SORCS2: variants seen among roughly 807,000 people sequenced by gnomAD.
SORCS2 encodes the protein VPS10 domain-containing receptor SorCS2.
A neutral mutation model predicts 141.6 loss-of-function variants in SORCS2; 100 were observed. The ratio of observed to expected loss-of-function variants is 0.71; its 90% CI spans 0.60 to 0.83. SORCS2 has a LOEUF of 0.83. Ranked by LOEUF, SORCS2 falls within the 40% of genes least tolerant of loss-of-function variation. The probability of loss-of-function intolerance (pLI) is 0.00; values close to 1 mark genes in which losing one functional copy is unlikely to be tolerated. For missense variants in SORCS2, 1,646 were observed against 1,560.2 expected (o/e 1.05, Z -0.93); for synonymous variants, 789 against 676.9 (o/e 1.17, Z -2.57).
intron 2 of SORCS2, among the ~76,000 whole-genome samples, chr4:7,428,694 G>A (rs983018066): frequency 6.6e-6 from 1 of 152,200 alleles, no homozygotes; most frequent in Non-Finnish European, 1.5e-5. Context: ...GCCAGGCCGG[G>A]GTGGCTGGAG....
At chr4:7,635,723 C>G (rs1215317937) in intron 3 of SORCS2, among the ~76,000 whole-genome samples, 1 of 151,980 alleles carries the variant, frequency 6.6e-6, no homozygotes, top group Non-Finnish European at 1.5e-5. Context: ...TTGTTTTTTT[C>G]CTACGGATAA....
At chr4:7,302,790 C>CGTGTGTGT (rs1560176462) in intron 1 of SORCS2, among the ~76,000 whole-genome samples, 1 of 147,372 alleles carries the variant, frequency 6.8e-6, no homozygotes, top group South Asian at 2.1e-4. Flanking sequence ...TGTGTGTGTG[C>CGTGTGTGT]GCGCGCGTGT....
chr4:7,723,584 G>C (rs1726746766), intron 18 of SORCS2, 113 bp from the exon 19 acceptor site: 1 of 1,230,090 alleles, frequency 8.1e-7, no homozygotes, highest in African/African-American at 1.5e-5. Context: ...TCATGTCAAG[G>C]AAGGGAGGGC....
intron 26 of SORCS2, among the ~76,000 whole-genome samples, chr4:7,738,696 A>G (rs570728607): frequency 1.3e-5 from 2 of 152,288 alleles, no homozygotes; most frequent in East Asian, 3.9e-4. Context: ...GGACATCCTC[A>G]GAACGTGAGC....
At position 7,192,576 on chromosome 4, in the gene SORCS2, C is replaced by G. The variant is rs956662104; in HGVS notation, c.-71C>G. 126 of 985,194 alleles carry G rather than the reference C, an allele frequency of 1.3e-4. No individual in the cohort carries two copies. The African/African-American group carries it at 2.1e-3, about 16-fold the overall frequency. 61.0% of individuals were successfully genotyped at this position (985,194 alleles called of 1,614,324 possible). On this transcript the variant is annotated 5_prime_UTR_variant, in exon 1 of 27. Transcript: ENST00000507866. The surrounding 1 kb of genome is among the most constrained non-coding windows in gnomAD (Gnocchi z 4.0). ...TCTCGCTCGCGCTCCCCAGCGCCCTCCTGCTCTCCCGGCCGCGGTCCCCTC... is the reference window on the plus strand; with the variant it reads ...TCTCGCTCGCGCTCCCCAGCGCCCTGCTGCTCTCCCGGCCGCGGTCCCCTC...
intron 2 of SORCS2, among the ~76,000 whole-genome samples, chr4:7,410,515 G>T (rs976897113): frequency 6.6e-6 from 1 of 152,152 alleles, no homozygotes; most frequent in Non-Finnish European, 1.5e-5. Flanking sequence ...TAGACCTCAT[G>T]GGCTCTTATG....
At position 7,400,771 on chromosome 4, in the gene SORCS2, A is replaced by G. The variant is rs1490294889; in HGVS notation, c.548+4416A>G. Among the ~76,000 whole-genome samples, 3 of 151,362 alleles carry G rather than the reference A, an allele frequency of 2.0e-5. No homozygotes were observed. The East Asian group carries it at 5.9e-4, about 30-fold the overall frequency. ...GATTGATGGATTGATGGATGGATGT[A>G]TGGATGGATGGACAGATAGATGAAT... On this transcript the variant is annotated intron_variant, in intron 2 of 26. Transcript: ENST00000507866.
intron 3 of SORCS2, among the ~76,000 whole-genome samples, chr4:7,545,543 T>A (rs1358699056): frequency 6.6e-6 from 1 of 152,104 alleles, no homozygotes; most frequent in Non-Finnish European, 1.5e-5. Context: ...GTGGCCACCA[T>A]GTTAGAGACA....
chr4:7,453,380 G>GCT, intron 2 of SORCS2, among the ~76,000 whole-genome samples: 5 of 135,438 alleles, frequency 3.7e-5, no homozygotes, highest in South Asian at 2.6e-4. Context: ...GTTGGGGTCA[G>GCT]GCACTGTGTT....
At chr4:7,559,815 C>T (rs1438543609) in intron 3 of SORCS2, among the ~76,000 whole-genome samples, 2 of 152,270 alleles carry the variant, frequency 1.3e-5, no homozygotes. Context: ...CATAGCCCAG[C>T]ACAGGTGCCC....
chr4:7,433,722 C>G, intron 2 of SORCS2: 1 of 1,613,292 alleles, frequency 6.2e-7, no homozygotes, highest in Non-Finnish European at 8.5e-7. Flanking sequence ...CCGCGTCCCA[C>G]TCTGGGGACG....
At chr4:7,228,680 G>C (rs1397630237) in intron 1 of SORCS2, among the ~76,000 whole-genome samples, 1 of 152,124 alleles carries the variant, frequency 6.6e-6, no homozygotes, top group Non-Finnish European at 1.5e-5. Flanking sequence ...ATCCACTCCT[G>C]GATCCACTTC....
rs1727367784 is a variant in SORCS2, at chr4:7,728,389, T to A, written c.2909T>A (p.Leu970Gln). The A allele has an allele frequency of 1.9e-6, 3 of 1,613,834 alleles. No individual in the cohort carries two copies. Among genetic ancestry groups the A allele is most frequent in the Non-Finnish European group, 2.5e-6 (3 of 1,179,864 alleles). Residue 970 changes from leucine to glutamine, a missense_variant, in exon 22 of 27, where the codon CTG (leucine) becomes CAG (glutamine). Transcript: ENST00000507866. ...ATGCCTCTGCAGTTTTCCAAGGAGC[T>A]GGATGCCTACAACCCCAACACCCCT... is the stretch of plus-strand genomic sequence containing the variant. Reference protein sequence around the residue: ...QVMPLQFSKELDAYNPNTPEW... With the variant: ...QVMPLQFSKEQDAYNPNTPEW...
chr4:7,381,702 G>A (rs577003955), intron 1 of SORCS2, among the ~76,000 whole-genome samples: 1 of 152,308 alleles, frequency 6.6e-6, no homozygotes, highest in African/African-American at 2.4e-5. Context: ...AGCCTCCCCA[G>A]ATGTCCTCTG....
intron 2 of SORCS2, among the ~76,000 whole-genome samples, chr4:7,522,813 C>T (rs1733416409): frequency 1.9e-5 from 1 of 51,452 alleles, no homozygotes; most frequent in African/African-American, 5.5e-5. Flanking sequence ...CTTTTCTCTC[C>T]CTGTCTCCCT....
intron 2 of SORCS2, among the ~76,000 whole-genome samples, chr4:7,515,037 C>G (rs151087999): frequency 1.8e-3 from 272 of 152,302 alleles, no homozygotes; most frequent in Non-Finnish European, 3.1e-3. Flanking sequence ...TTAGTTAACC[C>G]TTTACTGCTC....
intron 3 of SORCS2, among the ~76,000 whole-genome samples, chr4:7,532,988 GT>G (rs1711787163): frequency 6.6e-6 from 1 of 152,072 alleles, no homozygotes; most frequent in East Asian, 1.9e-4. Context: ...GGGAAGAGAG[GT>G]GGGTTGACCT....
chr4:7,399,059 CT>C (rs5855960), intron 2 of SORCS2, among the ~76,000 whole-genome samples: 3 of 152,000 alleles, frequency 2.0e-5, no homozygotes, highest in African/African-American at 7.2e-5. Flanking sequence ...CTTTAATTTG[CT>C]TTTTTTTTGT....
Position 7,531,440 on chromosome 4 carries a change from G to A in SORCS2, c.549-90G>A, listed in dbSNP as rs747633887. 43 of 1,268,506 alleles carry A rather than the reference G, an allele frequency of 3.4e-5. No individual in the cohort carries two copies. The African/African-American group carries it at 3.7e-4, about 11-fold the overall frequency. The allele number at this position is 1,268,506 out of a possible 1,614,324, so 78.6% of individuals were successfully genotyped here. Reference sequence around the variant, plus strand: ...GGTGTCTGGGGCACTCGGCCCGCACGGGCACAGGGCAGGGGCTGGACACCG... The same window carrying A: ...GGTGTCTGGGGCACTCGGCCCGCACAGGCACAGGGCAGGGGCTGGACACCG... On this transcript the variant is annotated intron_variant, in intron 2 of 26. Coordinates refer to ENST00000507866, the MANE Select transcript of SORCS2 (RefSeq NM_020777.3).
Sources: gnomAD v4.1 joint callset for allele counts (sites outside exome capture counted in the v4.1 genomes callset) on GRCh38, gnomAD v4.1.1 for gene constraint, Gnocchi (gnomAD v3.1) non-coding constraint, MANE v1.5 for transcripts, NCBI Gene and HGNC (gene_info 2026-07-23, HGNC 2026-07-21) for gene names.